The following PLPP1 variants were observed in gnomAD, a reference collection of about 807,000 sequenced individuals.
PLPP1 encodes lipid phosphate phosphohydrolase 1a.
Under a neutral mutation model 31.2 loss-of-function variants are expected in PLPP1, and 24 were observed. The ratio of observed to expected loss-of-function variants is 0.77; its 90% confidence interval spans 0.56 to 1.08. The LOEUF is 1.08. Ranked by LOEUF, PLPP1 falls within the 50% of genes least tolerant of loss-of-function variation. PLPP1 has a pLI of 0.00. For missense variants in PLPP1, 319 were observed against 342.7 expected, an observed-to-expected ratio of 0.93 and a Z score of 0.55; for synonymous variants, 146 against 126.3, an observed-to-expected ratio of 1.16 and a Z score of -1.05.
In PLPP1 at chr5:55,440,352, T is replaced by C. The variant is rs111979081; in HGVS notation, c.549+1499A>G. ...AGAGCTCTCAGGATAGTAACGGCTC[T>C]AGCTATTGCTCAGCCTTCCGGGTCT... On this transcript the variant is annotated intron_variant, in intron 4 of 5. Coordinates refer to ENST00000307259, the MANE Select transcript of PLPP1 (RefSeq NM_003711.4). 5.4e-3 allele frequency among the ~76,000 whole-genome samples: 829 copies of C among 152,346 alleles called. 4 individuals carry two copies. The highest frequency in any genetic ancestry group is 0.019 in the African/African-American group (799 of 41,578).
intron 4 of PLPP1, among the ~76,000 whole-genome samples, chr5:55,435,887 G>A (rs768103970): frequency 2.0e-5 from 3 of 151,866 alleles, no homozygotes; most frequent in African/African-American, 4.8e-5. Context: ...TACAGTGTGC[G>A]CCTGTAGTCC....
chr5:55,527,322 C>T (rs1213564259), intron 1 of PLPP1, among the ~76,000 whole-genome samples: 1 of 152,144 alleles, frequency 6.6e-6, no homozygotes, highest in Non-Finnish European at 1.5e-5. Context: ...AAACAAGCAA[C>T]AGGGACCCCA....
intron 4 of PLPP1, among the ~76,000 whole-genome samples, chr5:55,436,240 T>C (rs539076312): frequency 2.5e-4 from 38 of 152,118 alleles, no homozygotes; most frequent in African/African-American, 8.7e-4. Flanking sequence ...CCAAATGATA[T>C]GGCTTGGCTG....
intron 1 of PLPP1, among the ~76,000 whole-genome samples, chr5:55,478,477 A>C (rs930919229): frequency 1.3e-5 from 2 of 152,218 alleles, no homozygotes; most frequent in Non-Finnish European, 2.9e-5. Context: ...GATATTCGAT[A>C]AGCCAGTAGT....
chr5:55,454,299 G>C (rs533598065), intron 3 of PLPP1, among the ~76,000 whole-genome samples: 1 of 151,790 alleles, frequency 6.6e-6, no homozygotes, highest in Non-Finnish European at 1.5e-5. Flanking sequence ...TTATATAAAC[G>C]AACAGTACTG....
At chr5:55,428,749 C>T (rs1303568890) in intron 4 of PLPP1, among the ~76,000 whole-genome samples, 1 of 152,210 alleles carries the variant, frequency 6.6e-6, no homozygotes, top group Non-Finnish European at 1.5e-5. Flanking sequence ...TGTATAGGTT[C>T]CTTCCTTTGC....
At chr5:55,433,359 G>A (rs1751409700) in intron 4 of PLPP1, among the ~76,000 whole-genome samples, 1 of 144,056 alleles carries the variant, frequency 6.9e-6, no homozygotes, top group Non-Finnish European at 1.5e-5. Context: ...AGGCATCCAA[G>A]TTGTATAACA....
At chr5:55,447,021 C>T (rs1751781151) in intron 3 of PLPP1, among the ~76,000 whole-genome samples, 1 of 152,198 alleles carries the variant, frequency 6.6e-6, no homozygotes. Flanking sequence ...TTTACTCTCC[C>T]ACCAGCTAAA....
intron 3 of PLPP1, among the ~76,000 whole-genome samples, chr5:55,455,150 C>G (rs1020298723): frequency 3.3e-5 from 5 of 152,162 alleles, no homozygotes; most frequent in Admixed American, 6.5e-5. Context: ...CTGATTCATA[C>G]AGCCAGAGAT....
chr5:55,429,025 T>A (rs1751278053), intron 4 of PLPP1, among the ~76,000 whole-genome samples: 1 of 152,254 alleles, frequency 6.6e-6, no homozygotes, highest in East Asian at 1.9e-4. Context: ...CACATCTCCC[T>A]GCACTGACTA....
chr5:55,460,166 C>A (rs1042146890), intron 3 of PLPP1, among the ~76,000 whole-genome samples: 1 of 152,110 alleles, frequency 6.6e-6, no homozygotes, highest in South Asian at 2.1e-4. Context: ...CCAGTCCCTG[C>A]ATTGTTTAAG....
At chr5:55,514,668 C>T (rs1753515842) in intron 1 of PLPP1, among the ~76,000 whole-genome samples, 1 of 152,150 alleles carries the variant, frequency 6.6e-6, no homozygotes, top group Non-Finnish European at 1.5e-5. Flanking sequence ...GTTTAAAACA[C>T]ACACGCTTTT....
chr5:55,531,595 T>C (rs567287151), intron 1 of PLPP1, among the ~76,000 whole-genome samples: 1 of 152,368 alleles, frequency 6.6e-6, no homozygotes, highest in South Asian at 2.1e-4. Context: ...CAGTCAATTC[T>C]TACCTGTGGA....
intron 1 of PLPP1, among the ~76,000 whole-genome samples, chr5:55,519,206 A>G (rs1350208725): frequency 6.6e-6 from 1 of 152,248 alleles, no homozygotes; most frequent in Non-Finnish European, 1.5e-5. Context: ...AAAGTTGAAC[A>G]TTATCCATAA....
chr5:55,456,387 T>G (rs1752010887), intron 3 of PLPP1, among the ~76,000 whole-genome samples: 1 of 152,196 alleles, frequency 6.6e-6, no homozygotes, highest in Non-Finnish European at 1.5e-5. Flanking sequence ...TTCTCATCCT[T>G]ACATGTAACT....
At chr5:55,481,398 T>C (rs1015545566) in intron 1 of PLPP1, among the ~76,000 whole-genome samples, 3 of 152,182 alleles carry the variant, frequency 2.0e-5, no homozygotes, top group African/African-American at 7.2e-5. Context: ...CAGTATTCCA[T>C]TGTACGAATC....
intron 1 of PLPP1, among the ~76,000 whole-genome samples, chr5:55,476,084 T>A (rs1752543739): frequency 6.6e-6 from 1 of 151,320 alleles, no homozygotes; most frequent in South Asian, 2.1e-4. Flanking sequence ...GCTCAAGCTA[T>A]CCTCCCGCTT....
Position 55,499,459 on chromosome 5 carries a change from G to A in PLPP1, c.59-24009C>T, listed in dbSNP as rs540151715. On this transcript the variant is annotated intron_variant, in intron 1 of 5. Coordinates refer to ENST00000307259, the MANE Select transcript of PLPP1 (RefSeq NM_003711.4). Reference sequence around the variant, plus strand: ...CTTATTCACCAGTAAAAAAATATCTGCTCTTACTGGAAGCACCTAAAATAA... The same window carrying A: ...CTTATTCACCAGTAAAAAAATATCTACTCTTACTGGAAGCACCTAAAATAA... Among the ~76,000 whole-genome samples the A allele has an allele frequency of 2.0e-5, 3 of 152,256 alleles. No individual in the cohort carries two copies. The South Asian group carries it at 6.2e-4, about 32-fold the overall frequency.
At chr5:55,451,264 A>C (rs1751885948) in intron 3 of PLPP1, among the ~76,000 whole-genome samples, 1 of 152,244 alleles carries the variant, frequency 6.6e-6, no homozygotes, top group Non-Finnish European at 1.5e-5. Flanking sequence ...TACAAAAAAA[A>C]TTTGTTTTAA....
Sources: allele counts gnomAD v4.1 joint callset (sites outside exome capture counted in the v4.1 genomes callset), GRCh38; gene constraint gnomAD v4.1.1; transcripts MANE v1.5; gene names NCBI Gene and HGNC (gene_info 2026-07-23, HGNC 2026-07-21).